Variants in ZNF195 observed in about 807,000 individuals in gnomAD.
ZNF195 encodes the protein zinc finger protein 195.
ZNF195 carries 11 observed loss-of-function variants against 19.5 expected under a neutral mutation model. The ratio of observed to expected loss-of-function variants is 0.57; its 90% CI spans 0.36 to 0.94. ZNF195 has a LOEUF of 0.94. Among genes scored for constraint, ZNF195 ranks in the 40% least tolerant of loss-of-function variants. The pLI is 0.01. For missense variants in ZNF195, 582 were observed against 709.0 expected (o/e 0.82, Z 2.03); for synonymous variants, 214 against 248.1 (o/e 0.86, Z 1.29).
intron 3 of ZNF195, among the ~76,000 whole-genome samples, chr11:3,368,077 AAAACAAAC>A (rs111331503): frequency 1.3e-5 from 2 of 150,838 alleles, no homozygotes; most frequent in East Asian, 1.9e-4. Flanking sequence ...ACTCTATCTC[AAAACAAAC>A]AAACAAACAA....
chr11:3,358,848 A>C lies in ZNF195; in HGVS notation c.*270T>G, dbSNP rs553349605. The C allele has an allele frequency of 2.4e-4, 86 of 363,636 alleles. No homozygotes were observed. Among genetic ancestry groups the C allele is most frequent in the Non-Finnish European group, 3.7e-4 (78 of 208,358 alleles). 22.5% of individuals were successfully genotyped at this position (363,636 alleles called of 1,614,324 possible). A position where few individuals can be genotyped will look rare whatever the true frequency, so the allele number is the denominator to read the frequency against. The stretch of plus-strand genomic sequence containing the variant: ...GTTTTCTAAGCTATCATTTTTGAAC[A>C]AATGTTATTCCACATTTATGAGATT... On this transcript the variant is annotated 3_prime_UTR_variant, in exon 6 of 6. Transcript: ENST00000399602.
intron 3 of ZNF195, chr11:3,362,179 T>G (rs1286265521): frequency 7.7e-6 from 2 of 260,184 alleles, no homozygotes; most frequent in Non-Finnish European, 1.6e-5. Context: ...AAATAAAGGC[T>G]TTCTAACATA....
intron 3 of ZNF195, 101 bp from the exon 4 acceptor site, chr11:3,361,990 T>C (rs1848658339): frequency 2.3e-6 from 1 of 439,094 alleles, no homozygotes; most frequent in Admixed American, 2.5e-5. Context: ...ACCTGGGAAG[T>C]GGAGGCCGCA....
Position 3,359,980 on chromosome 11 carries a change from G to A in ZNF195, c.1028C>T (p.Thr343Ile), listed in dbSNP as rs201224365. Residue 343 changes from threonine (T) to isoleucine (I), a missense_variant, in exon 6 of 6, where the codon ACT becomes ATT. By Grantham distance (89) the Thr-to-Ile change is moderately conservative (BLOSUM62 -1). Around this residue, in one of 3 missense-constraint regions of ZNF195, gnomAD observed 407 missense variants for 530.5 expected, o/e 0.77. Coordinates refer to ENST00000399602, the MANE Select transcript of ZNF195 (RefSeq NM_001130520.3). This position sits in a 1 kb window ranked among gnomAD's most constrained non-coding sequence, Gnocchi z 5.5. The stretch of plus-strand genomic sequence containing the variant: ...TTCCTCAGTACCATGCTCATGTTCA[G>A]TAAGGTGGGAGCACTGGTTAAATAC... ...GKVFNQCSHL[T>I]EHEHGTEEKP... The A allele has an allele frequency of 5.6e-6, 9 of 1,614,128 alleles. No homozygotes were observed. The highest frequency in any genetic ancestry group is 1.7e-5 in the Admixed American group (1 of 60,030).
intron 2 of ZNF195, 45 bp from the exon 3 acceptor site, chr11:3,371,115 CA>C: frequency 6.3e-7 from 1 of 1,580,386 alleles, no homozygotes; most frequent in African/African-American, 1.3e-5. Context: ...TGAAATTCTC[CA>C]ATTATCAACC....
chr11:3,368,347 C>T (rs552346453), intron 3 of ZNF195, among the ~76,000 whole-genome samples: 3 of 152,258 alleles, frequency 2.0e-5, no homozygotes, highest in African/African-American at 7.2e-5. Context: ...ACGGCTCATG[C>T]CTATAATCCC....
Position 3,360,756 on chromosome 11 carries a change from T to G in ZNF195, c.406A>C (p.Lys136Gln), listed in dbSNP as rs146243724. 1,130 of 1,551,494 alleles carry G rather than the reference T, an allele frequency of 7.3e-4. 7 individuals carry two copies. The African/African-American group carries it at 0.012, about 17-fold the overall frequency. ...ATGCATCTGAACTCTAAAAACCATT[T>G]CACAGTTTGCAGCACCCCAGGTGAG... ...LCSPGVLQTV[K>Q]WFLEFRCIFS... Residue 136 changes from lysine to glutamine, a missense_variant, in exon 5 of 6, where the codon AAA becomes CAA. By Grantham distance (53) the Lys-to-Gln change is moderately conservative. This residue lies in a region of ZNF195 where 129 missense variants were observed against 112.1 expected (regional missense o/e 1.15). Coordinates refer to ENST00000399602, the MANE Select transcript of ZNF195 (RefSeq NM_001130520.3).
In ZNF195 at chr11:3,371,631, G is replaced by C; in HGVS notation, c.76C>G (p.Gln26Glu). ...EEWKCLDLAQ[Q>E]NLYRDVMLEN... ...AACATCACATCCCTGTACAAATTCT[G>C]CTGAGCGAGGTCCAGGCATTTCCAC... Residue 26 changes from glutamine (Q) to glutamate (E), a missense_variant, in exon 2 of 6, where the codon CAG (glutamine) becomes GAG (glutamate). Physicochemically the swap from Gln to Glu is conservative, Grantham distance 29. This residue lies in a region of ZNF195 where 46 missense variants were observed against 66.5 expected (regional missense o/e 0.69). Transcript: ENST00000399602. 1 of 1,614,092 alleles carries C rather than the reference G, an allele frequency of 6.2e-7. No individual in the cohort carries two copies.
In ZNF195 at chr11:3,363,098, A is replaced by G. The variant is rs114851051; in HGVS notation, c.227-1209T>C. Among the ~76,000 whole-genome samples, 1,404 of 152,346 alleles carry G rather than the reference A, an allele frequency of 9.2e-3. 18 individuals carry two copies. Among genetic ancestry groups the G allele is most frequent in the African/African-American group, 0.032 (1,318 of 41,576 alleles). ...AGCGTGGGTGCATATTCGTATATAT[A>G]TTTAGGTATTGAAGTAACTTCCTAT... On this transcript the variant is annotated intron_variant, in intron 3 of 5. Coordinates refer to ENST00000399602, the MANE Select transcript of ZNF195 (RefSeq NM_001130520.3).
At chr11:3,364,680 A>C (rs1294562957) in intron 3 of ZNF195, among the ~76,000 whole-genome samples, 1 of 152,222 alleles carries the variant, frequency 6.6e-6, no homozygotes, top group African/African-American at 2.4e-5. Context: ...TGCAAAACAC[A>C]ATGAGAAAAG....
chr11:3,374,886 G>A (rs1163504898), intron 1 of ZNF195, among the ~76,000 whole-genome samples: 1 of 152,210 alleles, frequency 6.6e-6, no homozygotes, highest in East Asian at 1.9e-4. Context: ...AGAGCTTGCT[G>A]GATACGATGT....
At chr11:3,363,808 T>C (rs1026047607) in intron 3 of ZNF195, among the ~76,000 whole-genome samples, 4 of 152,198 alleles carry the variant, frequency 2.6e-5, no homozygotes, top group East Asian at 3.9e-4. Flanking sequence ...GGTACTGGTA[T>C]AAAGGCAGAC....
At chr11:3,369,761 T>C (rs1243361711) in intron 3 of ZNF195, among the ~76,000 whole-genome samples, 1 of 152,220 alleles carries the variant, frequency 6.6e-6, no homozygotes, top group Non-Finnish European at 1.5e-5. Context: ...GTTCAAAAGG[T>C]ACAAACTTTC....
At chr11:3,373,013 C>T (rs908702576) in intron 1 of ZNF195, among the ~76,000 whole-genome samples, 1 of 152,194 alleles carries the variant, frequency 6.6e-6, no homozygotes, top group East Asian at 1.9e-4. Context: ...GGATTATAGG[C>T]ATGAGCCACC....
At chr11:3,362,693 A>G (rs1180634680) in intron 3 of ZNF195, 1 of 414,552 alleles carries the variant, frequency 2.4e-6, no homozygotes, top group Non-Finnish European at 4.4e-6. Context: ...AGAAAAAGCT[A>G]CAAGAATCAA....
chr11:3,369,201 A>G (rs1849054567), intron 3 of ZNF195: 1 of 231,718 alleles, frequency 4.3e-6, no homozygotes, highest in Non-Finnish European at 8.8e-6. Flanking sequence ...TCTAAATAGT[A>G]AGAAATACTC....
chr11:3,370,659 A>T (rs1355978834), intron 3 of ZNF195, among the ~76,000 whole-genome samples: 1 of 152,264 alleles, frequency 6.6e-6, no homozygotes, highest in Non-Finnish European at 1.5e-5. Flanking sequence ...AAAAACAGGC[A>T]GGTACAGGCA....
intron 3 of ZNF195, among the ~76,000 whole-genome samples, chr11:3,364,795 C>G (rs910803165): frequency 6.6e-6 from 1 of 152,142 alleles, no homozygotes. Flanking sequence ...CAGTAACAAT[C>G]AAGATGGTGA....
chr11:3,371,416 GA>G (rs1360108555), intron 2 of ZNF195, among the ~76,000 whole-genome samples, 160 bp downstream of exon 2: 46 of 85,360 alleles, frequency 5.4e-4, no homozygotes, highest in Non-Finnish European at 1.9e-4. Context: ...ACATTTTGAA[GA>G]TTTTTTTTTT....
Sources: allele counts gnomAD v4.1 joint callset (sites outside exome capture counted in the v4.1 genomes callset), GRCh38; gene constraint gnomAD v4.1.1; regional missense constraint gnomAD v4.1.1; non-coding constraint Gnocchi (gnomAD v3.1); transcripts MANE v1.5; gene names NCBI Gene and HGNC (gene_info 2026-07-23, HGNC 2026-07-21).